CPLX2: variants seen among roughly 807,000 people sequenced by gnomAD.
CPLX2 encodes complexin 2.
A neutral mutation model predicts 16.3 loss-of-function variants in CPLX2; 5 were observed. The observed-to-expected ratio is 0.31, with a 90% CI of 0.16 to 0.64. The LOEUF (loss-of-function observed/expected upper bound fraction) is 0.64. CPLX2 is among the 30% of genes least tolerant of loss of function. The pLI is 0.79. For missense variants in CPLX2, 144 were observed against 181.4 expected (o/e 0.79, Z 1.18); for synonymous variants, 89 against 73.2 (o/e 1.22, Z -1.10).
Position 175,846,242 on chromosome 5 carries a change from G to C in CPLX2, c.-88-32410G>C, listed in dbSNP as rs774395979. Among the ~76,000 whole-genome samples the C allele has an allele frequency of 2.0e-5, 3 of 152,162 alleles. No homozygotes were observed. In the East Asian group the frequency reaches 5.8e-4, roughly 29 times the overall value. ...GTGACTCCACAGGACAGGCATGGCA[G>C]ATCAGTTCTCCCTGCCCTGTAGGTT... On this transcript the variant is annotated intron_variant, in intron 2 of 4. Coordinates refer to the CPLX2 transcript ENST00000359546.
chr5:175,871,434 A>AGAGAGAGAGAGAGAGAGAGAGAGAGG, upstream of CPLX2: 1 of 39,548 alleles, frequency 2.5e-5, no homozygotes, highest in Non-Finnish European at 7.7e-5. Context: ...AGAGAGAGAC[A>AGAGAGAGAGAGAGAGAGAGAGAGAGG]GAGAGAGAGA....
rs373312291 is a variant in CPLX2, at chr5:175,827,305, A to G, written c.-89+18237A>G. ...ACTGGGGGAGGAGCAGCTTCCCCAG[A>G]GGAAATGGGGATACCCTTTCTAAAA... On this transcript the variant is annotated intron_variant, in intron 2 of 4. Coordinates refer to the CPLX2 transcript ENST00000359546. Among the ~76,000 whole-genome samples, 3 of 152,364 alleles carry G rather than the reference A, an allele frequency of 2.0e-5. No homozygotes were observed. In the East Asian group the frequency reaches 5.8e-4, roughly 29 times the overall value.
Position 175,882,381 on chromosome 5 carries a change from C to T in CPLX2, c.*2336C>T, listed in dbSNP as rs1755640544. 1 of 152,684 alleles carries T rather than the reference C, an allele frequency of 6.5e-6. No individual in the cohort carries two copies. The highest frequency in any genetic ancestry group is 1.5e-5 in the Non-Finnish European group (1 of 68,070). The allele number at this position is 152,684 out of a possible 1,614,324, so 9.5% of individuals were successfully genotyped here. Reference sequence around the variant, plus strand: ...GACACAAGTGTTCAGAGAGGTCCCCCTCTGCCACTTGACAGGGACCTTCAA... The same window carrying T: ...GACACAAGTGTTCAGAGAGGTCCCCTTCTGCCACTTGACAGGGACCTTCAA... On this transcript the variant is annotated 3_prime_UTR_variant, in exon 4 of 4. Transcript: ENST00000393745.
At position 175,821,944 on chromosome 5, in the gene CPLX2, G is replaced by C. The variant is rs200445439; in HGVS notation, c.-89+12876G>C. On this transcript the variant is annotated intron_variant, in intron 2 of 4. Coordinates refer to the CPLX2 transcript ENST00000359546. ...CACTGATGGGGGCTGCAGAGTAGGA[G>C]GGTTCCTGAGGGCTTCAAGGAAGAG... Among the ~76,000 whole-genome samples, 9 of 152,274 alleles carry C rather than the reference G, an allele frequency of 5.9e-5. No homozygotes were observed. In the East Asian group the frequency reaches 1.7e-3, roughly 29 times the overall value.
At chr5:175,854,093 C>T (rs1759206772) in intron 2 of CPLX2, among the ~76,000 whole-genome samples, 1 of 152,196 alleles carries the variant, frequency 6.6e-6, no homozygotes, top group African/African-American at 2.4e-5. Flanking sequence ...GGTAGGAGCC[C>T]AGGTTCTCCA....
In CPLX2 at chr5:175,838,167, G is replaced by A. The variant is rs186429312; in HGVS notation, c.-89+29099G>A. Among the ~76,000 whole-genome samples the A allele has an allele frequency of 2.8e-3, 430 of 151,904 alleles. 4 individuals carry two copies. Among genetic ancestry groups the A allele is most frequent in the African/African-American group, 8.0e-3 (330 of 41,396 alleles). ...GGAAATTTTGCCAACGTAAGGGAGC[G>A]TCCTAATGGGTCCTGGGGCAGACAG... On this transcript the variant is annotated intron_variant, in intron 2 of 4. Transcript: ENST00000359546.
intron 1 of CPLX2, among the ~76,000 whole-genome samples, chr5:175,799,579 A>G (rs1050805445): frequency 2.9e-5 from 2 of 68,100 alleles, no homozygotes; most frequent in African/African-American, 1.3e-4. Flanking sequence ...TATATATAGT[A>G]ATCACAGCTT....
chr5:175,828,202 G>T (rs1467113474), intron 2 of CPLX2, among the ~76,000 whole-genome samples: 1 of 152,120 alleles, frequency 6.6e-6, no homozygotes, highest in Non-Finnish European at 1.5e-5. Context: ...GCAGCCTCTG[G>T]GAGTTTCACG....
intron 2 of CPLX2, among the ~76,000 whole-genome samples, chr5:175,855,918 A>T (rs1759246747): frequency 6.6e-6 from 1 of 152,182 alleles, no homozygotes; most frequent in South Asian, 2.1e-4. Flanking sequence ...CAGAGAAAAT[A>T]GGACAACCTG....
intron 1 of CPLX2, among the ~76,000 whole-genome samples, chr5:175,803,682 G>C (rs1758141143): frequency 6.6e-6 from 1 of 152,250 alleles, no homozygotes. Context: ...GTCTCTTTGG[G>C]AGACAGAGGG....
At chr5:175,836,505 C>T (rs1164614605) in intron 2 of CPLX2, among the ~76,000 whole-genome samples, 1 of 152,220 alleles carries the variant, frequency 6.6e-6, no homozygotes, top group African/African-American at 2.4e-5. Flanking sequence ...CCCCTCAGCT[C>T]TACTCTCCTG....
At chr5:175,821,703 C>T (rs1304501200) in intron 2 of CPLX2, among the ~76,000 whole-genome samples, 4 of 152,200 alleles carry the variant, frequency 2.6e-5, no homozygotes, top group African/African-American at 7.2e-5. Context: ...CCACCACGCC[C>T]GGCCCTAAAT....
At chr5:175,820,657 G>C (rs548929905) in intron 2 of CPLX2, among the ~76,000 whole-genome samples, 2 of 151,928 alleles carry the variant, frequency 1.3e-5, no homozygotes, top group African/African-American at 4.8e-5. Flanking sequence ...GCAGCCCCCC[G>C]CCCCCTACCA....
rs1173010392 is a variant in CPLX2 at position 175,880,366 on chromosome 5, G to C, written c.*321G>C. 2 of 420,682 alleles carry C rather than the reference G, an allele frequency of 4.8e-6. No individual in the cohort carries two copies. The highest frequency in any genetic ancestry group is 9.0e-6 in the Non-Finnish European group (2 of 222,578). The allele number at this position is 420,682 out of a possible 1,614,324, so 26.1% of individuals were successfully genotyped here. ...CATTCCTCCCTGCTCCCCACTGCCA[G>C]GAGGACCACTGTCCCCAGCCAGCCA... On this transcript the variant is annotated 3_prime_UTR_variant, in exon 4 of 4. Coordinates refer to ENST00000393745, the MANE Select transcript of CPLX2 (RefSeq NM_001008220.2).
intron 3 of CPLX2, 192 bp from the exon 4 acceptor site, chr5:175,879,656 C>T (rs1755519442): frequency 1.4e-6 from 1 of 703,218 alleles, no homozygotes; most frequent in South Asian, 1.5e-5. Context: ...GGAAACCCCA[C>T]GTATGGTCTC....
chr5:175,830,487 G>C lies in CPLX2; in HGVS notation c.-89+21419G>C, dbSNP rs1758715436. ...AGTGAAGCGAGGCAGCCCTCCTTTA[G>C]GAGGGGGAGTTTTAGGGGTGAAGCA... On this transcript the variant is annotated intron_variant, in intron 2 of 4. Coordinates refer to the CPLX2 transcript ENST00000359546. This position sits in a 1 kb window ranked among gnomAD's most constrained non-coding sequence, Gnocchi z 4.0. Among the ~76,000 whole-genome samples, 1 of 152,156 alleles carries C rather than the reference G, an allele frequency of 6.6e-6. No individual in the cohort carries two copies. The highest frequency in any genetic ancestry group is 6.5e-5 in the Admixed American group (1 of 15,276).
intron 2 of CPLX2, among the ~76,000 whole-genome samples, chr5:175,824,390 C>T (rs1411933269): frequency 6.6e-6 from 1 of 152,204 alleles, no homozygotes; most frequent in East Asian, 1.9e-4. Context: ...CCAGAAAGTG[C>T]CCTCCCTTCT....
chr5:175,834,204 A>C (rs996929787), intron 2 of CPLX2, among the ~76,000 whole-genome samples: 3 of 152,194 alleles, frequency 2.0e-5, no homozygotes, highest in African/African-American at 7.2e-5. Flanking sequence ...CAAATGTAAA[A>C]TGGGGTAATG....
rs1031643961 is a variant in CPLX2 at position 175,872,432 on chromosome 5, C to T, written c.-89+727C>T. 2.0e-5 allele frequency among the ~76,000 whole-genome samples: 3 copies of T among 152,096 alleles called. No homozygotes were observed. Among genetic ancestry groups the T allele is most frequent in the African/African-American group, 4.8e-5 (2 of 41,426 alleles). On this transcript the variant is annotated intron_variant, in intron 1 of 3. Transcript: ENST00000393745. The surrounding 1 kb of genome is among the most constrained non-coding windows in gnomAD (Gnocchi z 5.0). ...TCCCCAGCAAAGTTTGAAACCGGGC[C>T]GGGTCTTGGGGTTGGAGCTATGTGT...
Sources: allele counts gnomAD v4.1 joint callset (sites outside exome capture counted in the v4.1 genomes callset), GRCh38; gene constraint gnomAD v4.1.1; non-coding constraint Gnocchi (gnomAD v3.1); transcripts MANE v1.5; gene names NCBI Gene and HGNC (gene_info 2026-07-23, HGNC 2026-07-21).